The following CDYL variants were observed in gnomAD, a reference collection of about 807,000 sequenced individuals.
CDYL encodes the protein chromodomain Y-like protein.
In CDYL, 8 loss-of-function variants were observed where a neutral mutation model predicts 47.3. That is an observed-to-expected ratio of 0.17 (90% CI 0.10 to 0.31). The LOEUF is 0.31. Among genes scored for constraint, CDYL ranks in the 10% least tolerant of loss-of-function variants. The pLI, the probability that CDYL is intolerant of heterozygous loss-of-function variation, is 1.00. For synonymous variants in CDYL, 266 were observed against 265.0 expected (o/e 1.00, Z -0.04); for missense variants, 471 against 701.4 (o/e 0.67, Z 3.71).
At chr6:4,741,933 GCTCGATCATGTCTGCATGTGC>G (rs1408818717) in intron 3 of CDYL, among the ~76,000 whole-genome samples, 1 of 152,154 alleles carries the variant, frequency 6.6e-6, no homozygotes, top group Non-Finnish European at 1.5e-5. Context: ...TAGGTGATGT[GCTCGATCATGTCTGCATGTGC>G]CTCCTCATGG....
At position 4,749,307 on chromosome 6, in the gene CDYL, AGATG is replaced by A. The variant is rs61073067; in HGVS notation, c.186+14493_186+14496del. Among the ~76,000 whole-genome samples, 1,022 of 146,610 alleles carry A rather than the reference AGATG, an allele frequency of 7.0e-3. 15 individuals are homozygous for A. The highest frequency in any genetic ancestry group is 0.023 in the African/African-American group (910 of 39,460). On this transcript the variant is annotated intron_variant, in intron 3 of 8. Coordinates refer to the CDYL transcript ENST00000328908. ...TGGATGGATGGATGGATGGATGGATAGATGGATGGATGGATGGATGGATGGATGG... is the reference window on the plus strand; with the variant it reads ...TGGATGGATGGATGGATGGATGGATAGATGGATGGATGGATGGATGGATGG...
intron 1 of CDYL, among the ~76,000 whole-genome samples, chr6:4,813,589 A>G (rs1012162874): frequency 3.9e-5 from 6 of 152,216 alleles, no homozygotes; most frequent in South Asian, 2.1e-4. Context: ...ATGTGTAAAT[A>G]TCTGCTGTGA....
At chr6:4,911,303 G>A (rs1441399734) in intron 2 of CDYL, among the ~76,000 whole-genome samples, 2 of 152,244 alleles carry the variant, frequency 1.3e-5, no homozygotes, top group Non-Finnish European at 2.9e-5. Flanking sequence ...GTGGGCTGCA[G>A]ATTTGGCTTT....
At chr6:4,805,877 A>C (rs2127441648) in intron 1 of CDYL, among the ~76,000 whole-genome samples, 1 of 152,232 alleles carries the variant, frequency 6.6e-6, no homozygotes, top group East Asian at 1.9e-4. Context: ...CCACAGACAA[A>C]CCCAGAAATA....
chr6:4,762,549 T>TA (rs1007535798), intron 3 of CDYL, among the ~76,000 whole-genome samples: 20 of 116,742 alleles, frequency 1.7e-4, no homozygotes, highest in Admixed American at 3.9e-4. Flanking sequence ...TCAAAGAGAT[T>TA]AAAAAAAAAT....
chr6:4,796,460 A>G (rs1490634544), intron 1 of CDYL, among the ~76,000 whole-genome samples: 1 of 152,110 alleles, frequency 6.6e-6, no homozygotes, highest in Non-Finnish European at 1.5e-5. Context: ...TTTATGAAGT[A>G]TTTACTATAC....
At chr6:4,924,918 A>G (rs1757822484) in intron 2 of CDYL, among the ~76,000 whole-genome samples, 2 of 152,266 alleles carry the variant, frequency 1.3e-5, no homozygotes, top group South Asian at 2.1e-4. Flanking sequence ...CAAGTGTCAA[A>G]TAGTTAAGAA....
intron 1 of CDYL, among the ~76,000 whole-genome samples, chr6:4,797,241 C>T (rs187282462): frequency 1.3e-5 from 2 of 152,256 alleles, no homozygotes; most frequent in East Asian, 3.9e-4. Flanking sequence ...TCATTCTAAT[C>T]TGTAATCTTA....
At chr6:4,708,929 C>T (rs1440441728) in intron 1 of CDYL, among the ~76,000 whole-genome samples, 5 of 152,056 alleles carry the variant, frequency 3.3e-5, no homozygotes, top group African/African-American at 1.2e-4. Flanking sequence ...ATCGCTTGAA[C>T]CCAGGAGGCA....
chr6:4,741,362 A>G (rs575048981), intron 3 of CDYL, among the ~76,000 whole-genome samples: 1 of 152,334 alleles, frequency 6.6e-6, no homozygotes, highest in African/African-American at 2.4e-5. Context: ...ATTCAGCTTC[A>G]TAGCATAAAA....
intron 2 of CDYL, chr6:4,928,822 A>C (rs1757952833): frequency 6.6e-6 from 1 of 151,982 alleles, no homozygotes; most frequent in African/African-American, 2.4e-5. Context: ...ATATTTTTCC[A>C]AAGAATAGCC....
At chr6:4,903,879 G>A (rs961795079) in intron 2 of CDYL, among the ~76,000 whole-genome samples, 5 of 152,324 alleles carry the variant, frequency 3.3e-5, no homozygotes, top group Non-Finnish European at 4.4e-5. Flanking sequence ...CCCATCAGCC[G>A]TCTGCCTGGG....
intron 1 of CDYL, among the ~76,000 whole-genome samples, chr6:4,799,322 A>G (rs1759160085): frequency 6.6e-6 from 1 of 152,118 alleles, no homozygotes. Context: ...GGCCCAGTAT[A>G]TGGTCTGTCT....
At chr6:4,825,850 A>G (rs1428254942) in intron 1 of CDYL, among the ~76,000 whole-genome samples, 1 of 95,244 alleles carries the variant, frequency 1.0e-5, no homozygotes, top group Non-Finnish European at 2.0e-5. Flanking sequence ...TAGAATGGCA[A>G]AAAAAAAAAA....
chr6:4,837,351 G>A (rs1318361300), intron 1 of CDYL, among the ~76,000 whole-genome samples: 2 of 152,024 alleles, frequency 1.3e-5, no homozygotes, highest in Non-Finnish European at 2.9e-5. Context: ...TAGACATAAA[G>A]TAGTTTTATT....
Position 4,776,697 on chromosome 6 carries a change from A to C in CDYL, c.-87A>C, listed in dbSNP as rs963487928. 8 of 1,216,838 alleles carry C rather than the reference A, an allele frequency of 6.6e-6. No individual in the cohort carries two copies. The African/African-American group carries it at 1.2e-4, about 18-fold the overall frequency. The allele number at this position is 1,216,838 out of a possible 1,614,324, so 75.4% of individuals were successfully genotyped here. On this transcript the variant is annotated 5_prime_UTR_variant, in exon 1 of 7. Coordinates refer to ENST00000397588, the MANE Select transcript of CDYL (RefSeq NM_004824.4). ...CGGGAGCAGGAAGCGCAGGCCACGCAGGACCCAACTGAAACAAAGTGTCGG... is the reference window on the plus strand; with the variant it reads ...CGGGAGCAGGAAGCGCAGGCCACGCCGGACCCAACTGAAACAAAGTGTCGG...
At chr6:4,763,928 G>A (rs190179014) in intron 3 of CDYL, among the ~76,000 whole-genome samples, 1 of 152,238 alleles carries the variant, frequency 6.6e-6, no homozygotes, top group East Asian at 1.9e-4. Flanking sequence ...GGGCAACAGA[G>A]TGAGACTCCA....
chr6:4,940,892 T>C (rs1371591353), intron 4 of CDYL, among the ~76,000 whole-genome samples: 1 of 152,206 alleles, frequency 6.6e-6, no homozygotes, highest in East Asian at 1.9e-4. Context: ...GCCATTCAAA[T>C]GAGAGAGACC....
chr6:4,792,103 A>G (rs1379172437), intron 1 of CDYL, among the ~76,000 whole-genome samples: 2 of 149,556 alleles, frequency 1.3e-5, no homozygotes, highest in African/African-American at 5.0e-5. Flanking sequence ...CATGTTAGCC[A>G]GGATGGTCTC....
Sources: allele counts gnomAD v4.1 joint callset (sites outside exome capture counted in the v4.1 genomes callset), GRCh38; gene constraint gnomAD v4.1.1; transcripts MANE v1.5; gene names NCBI Gene and HGNC (gene_info 2026-07-23, HGNC 2026-07-21).